Variants in SLC44A1 observed in about 807,000 individuals in gnomAD.
SLC44A1 encodes the protein choline transporter-like protein 1.
In SLC44A1, 26 loss-of-function variants were observed where a neutral mutation model predicts 79.3. That is an observed-to-expected ratio of 0.33 (90% CI 0.24 to 0.46). The LOEUF is 0.46. Among genes scored for constraint, SLC44A1 ranks in the 20% least tolerant of loss-of-function variants. SLC44A1 has a pLI of 1.00. For missense variants in SLC44A1, 688 were observed against 798.1 expected (o/e 0.86, Z 1.66); for synonymous variants, 263 against 286.2 (o/e 0.92, Z 0.82).
chr9:105,272,969 A>T (rs142113257), intron 1 of SLC44A1, among the ~76,000 whole-genome samples: 3 of 151,442 alleles, frequency 2.0e-5, no homozygotes, highest in Non-Finnish European at 4.4e-5. Context: ...TTTCATATAT[A>T]TATATATATG....
At chr9:105,350,580 G>A (rs1047257902) in intron 5 of SLC44A1, among the ~76,000 whole-genome samples, 2 of 152,114 alleles carry the variant, frequency 1.3e-5, no homozygotes, top group African/African-American at 4.8e-5. Flanking sequence ...CCTTCTAGGA[G>A]CATACTACTG....
intron 15 of SLC44A1, chr9:105,438,178 T>C (rs1829487748): frequency 1.1e-6 from 1 of 929,250 alleles, no homozygotes; most frequent in East Asian, 2.7e-5. Flanking sequence ...TCATAATGTT[T>C]TCTTTAAAGA....
intron 15 of SLC44A1, among the ~76,000 whole-genome samples, chr9:105,418,325 A>C (rs1829200960): frequency 6.6e-6 from 1 of 151,200 alleles, no homozygotes; most frequent in Non-Finnish European, 1.5e-5. Context: ...AAAAAAAAAA[A>C]AAAAAAAAAA....
At chr9:105,400,643 C>T (rs1035343333), downstream of SLC44A1, among the ~76,000 whole-genome samples, 4 of 151,966 alleles carry the variant, frequency 2.6e-5, no homozygotes, top group Admixed American at 6.6e-5. Flanking sequence ...TGTAACCTCC[C>T]GAAAGTGCAA....
chr9:105,383,094 A>G (rs1828521129), intron 13 of SLC44A1, 29 bp from the exon 14 acceptor site: 1 of 1,496,766 alleles, frequency 6.7e-7, no homozygotes. Flanking sequence ...GTAGGATATT[A>G]AATATGATCT....
chr9:105,427,645 T>C (rs1829340209), intron 15 of SLC44A1, among the ~76,000 whole-genome samples: 1 of 152,192 alleles, frequency 6.6e-6, no homozygotes, highest in Non-Finnish European at 1.5e-5. Context: ...CTTTTTATTA[T>C]AGAGATATCT....
chr9:105,310,094 A>G (rs1831138026), intron 3 of SLC44A1, among the ~76,000 whole-genome samples: 1 of 151,956 alleles, frequency 6.6e-6, no homozygotes, highest in Non-Finnish European at 1.5e-5. Context: ...AAAATGGTCT[A>G]CCTTTACCCA....
At position 105,357,951 on chromosome 9, in the gene SLC44A1, C is replaced by T. The variant is rs1443766571; in HGVS notation, c.671-393C>T. ...GCGTAGCTCCTAATTTAACTGATCT[C>T]TGTCTATGTGTAGTAATTTTTCTTG... On this transcript the variant is annotated intron_variant, in intron 6 of 15. Transcript: ENST00000374720. Among the ~76,000 whole-genome samples, 6 of 152,230 alleles carry T rather than the reference C, an allele frequency of 3.9e-5. No individual in the cohort carries two copies. In the East Asian group the frequency reaches 1.2e-3, roughly 29 times the overall value.
At chr9:105,275,033 A>G (rs572574152) in intron 1 of SLC44A1, among the ~76,000 whole-genome samples, 2 of 148,764 alleles carry the variant, frequency 1.3e-5, no homozygotes, top group East Asian at 3.9e-4. Flanking sequence ...AATTCTTAAC[A>G]ATAATGATAT....
At chr9:105,318,677 A>G (rs989109513) in intron 3 of SLC44A1, among the ~76,000 whole-genome samples, 6 of 152,032 alleles carry the variant, frequency 3.9e-5, no homozygotes, top group Non-Finnish European at 7.3e-5. Flanking sequence ...TGCCTTTAGG[A>G]TAATACTTGC....
Position 105,379,582 on chromosome 9 carries a change from AATTT to A in SLC44A1, c.1633-3539_1633-3536del, listed in dbSNP as rs1394237738. On this transcript the variant is annotated intron_variant, in intron 13 of 15. Transcript: ENST00000374720. The stretch of plus-strand genomic sequence containing the variant: ...TTTTAAATTCAATTTTAAAACTGTG[AATTT>A]AAAAATAAAAAAAAGACATCATTAT... Among the ~76,000 whole-genome samples the A allele has an allele frequency of 4.6e-5, 7 of 152,184 alleles. No individual in the cohort carries two copies. The East Asian group carries it at 1.3e-3, about 29-fold the overall frequency.
chr9:105,277,428 C>A (rs1026260028), intron 1 of SLC44A1, among the ~76,000 whole-genome samples: 1 of 152,136 alleles, frequency 6.6e-6, no homozygotes, highest in Non-Finnish European at 1.5e-5. Flanking sequence ...GGCAGGTACT[C>A]GTGCCTGTTA....
In SLC44A1 at chr9:105,389,203, C is replaced by A; in HGVS notation, c.*147C>A. On this transcript the variant is annotated 3_prime_UTR_variant, in exon 16 of 16. Coordinates refer to ENST00000374720, the MANE Select transcript of SLC44A1 (RefSeq NM_080546.5). ...TATACACACACACACATAAATCAGC[C>A]AAAATCAGAGAAAAGGAACAGGGAT... The A allele has an allele frequency of 7.5e-7, 1 of 1,341,628 alleles. No individual in the cohort carries two copies. The highest frequency in any genetic ancestry group is 2.3e-5 in the South Asian group (1 of 43,526). 83.1% of individuals were successfully genotyped at this position (1,341,628 alleles called of 1,614,324 possible). A position where few individuals can be genotyped will look rare whatever the true frequency, so the allele number is the denominator to read the frequency against.
intron 15 of SLC44A1, among the ~76,000 whole-genome samples, chr9:105,423,896 A>G (rs886679462): frequency 6.6e-6 from 1 of 152,240 alleles, no homozygotes. Context: ...GGGTTTACTC[A>G]CCATGGATAT....
chr9:105,349,194 A>C (rs539080984), intron 5 of SLC44A1, among the ~76,000 whole-genome samples: 173 of 152,254 alleles, frequency 1.1e-3, no homozygotes, highest in African/African-American at 4.0e-3. Context: ...GCACACACAC[A>C]CCCCCACATA....
intron 3 of SLC44A1, among the ~76,000 whole-genome samples, chr9:105,320,835 C>T (rs374922193): frequency 2.8e-4 from 42 of 152,186 alleles, no homozygotes; most frequent in African/African-American, 3.9e-4. Context: ...TTCTAATGAC[C>T]GATGATGTTG....
Position 105,363,014 on chromosome 9 carries a change from A to T in SLC44A1, c.1087+7A>T, listed in dbSNP as rs2131413227. 6.3e-7 allele frequency: 1 copy of T among 1,588,542 alleles called. No homozygotes were observed. The highest frequency in any genetic ancestry group is 8.6e-7 in the Non-Finnish European group (1 of 1,166,528). On this transcript the variant is annotated splice_region_variant and intron_variant, in intron 9 of 15. Transcript: ENST00000374720. ...CTTTTTCTTGGCACTACCGGTAAGA[A>T]GATAAGCTTCTTTCTCTTAGTGACA...
chr9:105,351,584 GAAA>G (rs1827421840), intron 5 of SLC44A1, among the ~76,000 whole-genome samples: 19 of 118,578 alleles, frequency 1.6e-4, no homozygotes, highest in African/African-American at 5.0e-4. Flanking sequence ...GAGAAAGAGA[GAAA>G]GAGAGAAAGA....
At chr9:105,328,756 G>A (rs1826659862) in intron 3 of SLC44A1, among the ~76,000 whole-genome samples, 1 of 152,192 alleles carries the variant, frequency 6.6e-6, no homozygotes, top group African/African-American at 2.4e-5. Flanking sequence ...TTGTCTCTTT[G>A]GGGGTTGGTG....
Sources: allele counts gnomAD v4.1 joint callset (sites outside exome capture counted in the v4.1 genomes callset), GRCh38; gene constraint gnomAD v4.1.1; transcripts MANE v1.5; gene names NCBI Gene and HGNC (gene_info 2026-07-23, HGNC 2026-07-21).